FSD1L: variants seen among roughly 807,000 people sequenced by gnomAD.
The protein encoded by FSD1L is FSD1-like protein.
Under a neutral mutation model 71.6 loss-of-function variants are expected in FSD1L, and 45 were observed. The ratio of observed to expected loss-of-function variants is 0.63; its 90% CI spans 0.49 to 0.81. The LOEUF (loss-of-function observed/expected upper bound fraction) is 0.81. Among genes scored for constraint, FSD1L ranks in the 30% least tolerant of loss-of-function variants. FSD1L has a pLI of 0.00. For missense variants in FSD1L, 561 were observed against 618.1 expected (o/e 0.91, Z 0.98); for synonymous variants, 197 against 207.2 (o/e 0.95, Z 0.42).
At chr9:105,509,338 A>G (rs1262619356) in intron 9 of FSD1L, among the ~76,000 whole-genome samples, 1 of 152,188 alleles carries the variant, frequency 6.6e-6, no homozygotes, top group Non-Finnish European at 1.5e-5. Context: ...AGCCCTTACT[A>G]TGAGCCTGGA....
At chr9:105,518,782 G>T (rs1440543050) in intron 10 of FSD1L, among the ~76,000 whole-genome samples, 3 of 152,114 alleles carry the variant, frequency 2.0e-5, no homozygotes, top group Non-Finnish European at 4.4e-5. Flanking sequence ...AAATTCAAAA[G>T]CTAGCAGAAG....
intron 7 of FSD1L, among the ~76,000 whole-genome samples, chr9:105,493,807 T>A (rs1833137785): frequency 6.6e-6 from 1 of 152,202 alleles, no homozygotes; most frequent in Non-Finnish European, 1.5e-5. Flanking sequence ...ATTCTTTTCT[T>A]TAAGAATGTT....
chr9:105,546,397 G>T lies in FSD1L; in HGVS notation c.1507G>T (p.Val503Phe), dbSNP rs1324720550. The T allele has an allele frequency of 6.5e-7, 1 of 1,549,938 alleles. No homozygotes were observed. The change falls in exon 14 of 14, where the codon GTT becomes TTT. Residue 503 changes from valine (V) to phenylalanine (F), a missense_variant. Val to Phe is a conservative substitution (Grantham distance 50, BLOSUM62 -1). Around this residue, in one of 3 missense-constraint regions of FSD1L, gnomAD observed 98 missense variants for 102.3 expected, o/e 0.96. Coordinates refer to ENST00000481272, the MANE Select transcript of FSD1L (RefSeq NM_001145313.3). ...ACTTTCTTTGAGTACTGGGATGCAG[G>T]TTCCAAGTGCTGTGAGAACACTTCA... ...GGLSLSTGMQ[V>F]PSAVRTLQKS...
At chr9:105,499,065 G>T (rs1019939020) in intron 7 of FSD1L, among the ~76,000 whole-genome samples, 4 of 152,174 alleles carry the variant, frequency 2.6e-5, no homozygotes, top group Non-Finnish European at 5.9e-5. Context: ...TGTAGTCTTT[G>T]TCTTGGCAAA....
chr9:105,505,541 G>T (rs1172611177), intron 7 of FSD1L, among the ~76,000 whole-genome samples: 1 of 152,200 alleles, frequency 6.6e-6, no homozygotes, highest in Non-Finnish European at 1.5e-5. Flanking sequence ...TTACAGGTGT[G>T]AGCCACTGCG....
chr9:105,508,139 C>T (rs939927767), intron 8 of FSD1L, among the ~76,000 whole-genome samples: 51 of 149,746 alleles, frequency 3.4e-4, no homozygotes, highest in Non-Finnish European at 5.5e-4. Context: ...GCTGGGATTA[C>T]AGGCGTGAGC....
intron 1 of FSD1L, among the ~76,000 whole-genome samples, chr9:105,458,228 G>A (rs1229054797): frequency 6.6e-6 from 1 of 152,210 alleles, no homozygotes; most frequent in African/African-American, 2.4e-5. Context: ...GGAATCCCGA[G>A]GTCTAGGCCC....
chr9:105,533,531 T>A (rs1836057811), intron 10 of FSD1L, among the ~76,000 whole-genome samples: 1 of 148,016 alleles, frequency 6.8e-6, no homozygotes, highest in South Asian at 2.2e-4. Context: ...CAGGCAATTC[T>A]CCTGCCTCAG....
At position 105,548,407 on chromosome 9, in the gene FSD1L, T is replaced by C. The variant is rs1324444345; in HGVS notation, c.*1924T>C. On this transcript the variant is annotated 3_prime_UTR_variant, in exon 14 of 14. Transcript: ENST00000481272. ...ACACAGAAAAGGTCAGATGCTGTTGTATAAAATTTTTTACTAGTGTGTCTT... is the reference window on the plus strand; with the variant it reads ...ACACAGAAAAGGTCAGATGCTGTTGCATAAAATTTTTTACTAGTGTGTCTT... The C allele has an allele frequency of 1.3e-5, 2 of 152,554 alleles. No homozygotes were observed. The highest frequency in any genetic ancestry group is 4.8e-5 in the African/African-American group (2 of 41,458). 9.5% of individuals were successfully genotyped at this position (152,554 alleles called of 1,614,324 possible).
rs1296389497 is a variant in FSD1L, at chr9:105,550,182, A to G, written c.*3699A>G. 2 of 151,950 alleles carry G rather than the reference A, an allele frequency of 1.3e-5. No individual in the cohort carries two copies. Among genetic ancestry groups the G allele is most frequent in the Non-Finnish European group, 2.9e-5 (2 of 67,870 alleles). The allele number at this position is 151,950 out of a possible 1,614,324, so 9.4% of individuals were successfully genotyped here. On this transcript the variant is annotated 3_prime_UTR_variant, in exon 14 of 14. Coordinates refer to ENST00000481272, the MANE Select transcript of FSD1L (RefSeq NM_001145313.3). ...TTGCAGCTTTTGAGTAGTGTGACAG[A>G]GTTTGCCTCTTAAAATTGTTTTGCT... is the stretch of plus-strand genomic sequence containing the variant.
At chr9:105,502,869 G>T (rs1230986232) in intron 7 of FSD1L, among the ~76,000 whole-genome samples, 1 of 150,134 alleles carries the variant, frequency 6.7e-6, no homozygotes, top group Non-Finnish European at 1.5e-5. Flanking sequence ...CGTCCAGAAG[G>T]AAAACTGTAA....
Position 105,512,881 on chromosome 9 carries a change from C to G in FSD1L, c.970C>G (p.Pro324Ala), listed in dbSNP as rs920493182. The G allele has an allele frequency of 6.5e-7, 1 of 1,541,872 alleles. No homozygotes were observed. The highest frequency in any genetic ancestry group is 2.0e-5 in the Admixed American group (1 of 49,658). The change falls in exon 10 of 14, where the codon CCT becomes GCT. Residue 324 changes from proline (P) to alanine (A), a missense_variant. Pro to Ala is a conservative substitution (Grantham distance 27). Around this residue, in one of 3 missense-constraint regions of FSD1L, gnomAD observed 410 missense variants for 413.5 expected, o/e 0.99. Coordinates refer to ENST00000481272, the MANE Select transcript of FSD1L (RefSeq NM_001145313.3). Reference sequence around the variant, plus strand: ...TGAAGATACATGTGTAGAGTGGGATCCTACTGGAGGAAAAGGTCAAGAAAG... The same window carrying G: ...TGAAGATACATGTGTAGAGTGGGATGCTACTGGAGGAAAAGGTCAAGAAAG... The part of the protein sequence containing the change: ...KVEDTCVEWD[P>A]TGGKGQESKI...
intron 13 of FSD1L, among the ~76,000 whole-genome samples, chr9:105,543,061 T>G (rs1836731326): frequency 6.6e-6 from 1 of 152,178 alleles, no homozygotes. Flanking sequence ...AATATAGTAG[T>G]TTTATAATCA....
At chr9:105,541,869 T>C (rs1415446031) in intron 13 of FSD1L, among the ~76,000 whole-genome samples, 1 of 152,230 alleles carries the variant, frequency 6.6e-6, no homozygotes, top group Non-Finnish European at 1.5e-5. Flanking sequence ...GAACATCGTA[T>C]AAATAGAATT....
chr9:105,477,119 A>G (rs1456236840), intron 5 of FSD1L, among the ~76,000 whole-genome samples: 3 of 152,204 alleles, frequency 2.0e-5, no homozygotes, highest in Non-Finnish European at 4.4e-5. Flanking sequence ...GCACACACAC[A>G]CTAAAAATTT....
intron 6 of FSD1L, among the ~76,000 whole-genome samples, 167 bp from the exon 7 acceptor site, chr9:105,484,209 TTTTTA>T (rs1264488224): frequency 8.5e-5 from 13 of 152,276 alleles, no homozygotes; most frequent in African/African-American, 3.1e-4. Context: ...ATTTTGTAGT[TTTTTA>T]TTTAGTTAAT....
chr9:105,517,749 C>G lies in FSD1L; in HGVS notation c.1025+4813C>G, dbSNP rs115848428. 9.0e-3 allele frequency among the ~76,000 whole-genome samples: 1,371 copies of G among 152,260 alleles called. 22 individuals are homozygous for G. Among genetic ancestry groups the G allele is most frequent in the African/African-American group, 0.032 (1,314 of 41,522 alleles). On this transcript the variant is annotated intron_variant, in intron 10 of 13. Transcript: ENST00000481272. Reference sequence around the variant, plus strand: ...TATCGACACTATGACGAAACTGCATCAACTAATAGGCAAAATAACCAGCTA... The same window carrying G: ...TATCGACACTATGACGAAACTGCATGAACTAATAGGCAAAATAACCAGCTA...
intron 1 of FSD1L, among the ~76,000 whole-genome samples, chr9:105,460,392 C>T (rs1830612260): frequency 6.6e-6 from 1 of 152,076 alleles, no homozygotes; most frequent in South Asian, 2.1e-4. Flanking sequence ...GAGTTCGAGA[C>T]CAGCCTGGCC....
In FSD1L at chr9:105,461,584, C is replaced by A; in HGVS notation, c.80C>A (p.Thr27Asn). The change falls in exon 2 of 14, where the codon ACT (threonine) becomes AAT (asparagine). Residue 27 changes from threonine to asparagine, a missense_variant. Transcript: ENST00000481272. ...GCCTGTTTTCTGATCTCTAACATCA[C>A]TATTGGACCAGAGTCTATTAACTTG... ...DKACFLISNITIGPESINLQQ... is the reference protein window; with the variant it reads ...DKACFLISNINIGPESINLQQ... 1 of 1,551,506 alleles carries A rather than the reference C, an allele frequency of 6.4e-7. No homozygotes were observed. The highest frequency in any genetic ancestry group is 1.2e-5 in the South Asian group (1 of 84,044).
Sources: allele counts gnomAD v4.1 joint callset (sites outside exome capture counted in the v4.1 genomes callset), GRCh38; gene constraint gnomAD v4.1.1; regional missense constraint gnomAD v4.1.1; transcripts MANE v1.5; gene names NCBI Gene and HGNC (gene_info 2026-07-23, HGNC 2026-07-21).